Variants in TM2D3 observed in about 807,000 individuals in gnomAD.
TM2D3 encodes the protein TM2 domain-containing protein 3.
TM2D3 carries 33 observed loss-of-function variants against 27.3 expected under a neutral mutation model. The observed-to-expected ratio is 1.21, with a 90% confidence interval of 0.92 to 1.61. The LOEUF (loss-of-function observed/expected upper bound fraction) is 1.61, where lower values mean the gene tolerates loss of function less well. Among genes scored for constraint, TM2D3 ranks in the 40% most tolerant of loss-of-function variants. The pLI is 0.00. For synonymous variants in TM2D3, 138 were observed against 122.2 expected (o/e 1.13, Z -0.85); for missense variants, 364 against 320.8 (o/e 1.13, Z -1.03).
intron 1 of TM2D3, 134 bp downstream of exon 1, chr15:101,652,137 G>A (rs936690059): frequency 6.9e-6 from 6 of 868,808 alleles, no homozygotes; most frequent in Non-Finnish European, 1.1e-5. Context: ...CAGATGCAGC[G>A]ACAAGCGGCC....
chr15:101,634,620 A>T (rs188345982), intron 4 of TM2D3: 1 of 152,286 alleles, frequency 6.6e-6, no homozygotes, highest in African/African-American at 2.4e-5. Flanking sequence ...AAAACACATG[A>T]CCTGGACCAG....
At chr15:101,637,715 G>A (rs768275650), downstream of TM2D3, among the ~76,000 whole-genome samples, 10 of 152,170 alleles carry the variant, frequency 6.6e-5, no homozygotes, top group African/African-American at 1.2e-4. Flanking sequence ...AAGTAGCTGG[G>A]ACCACAGGCG....
chr15:101,633,590 G>T, exon 5 of TM2D3: 4 of 1,127,138 alleles, frequency 3.5e-6, no homozygotes, highest in East Asian at 5.3e-5. Context: ...GGTTAGGGAC[G>T]CTCATCTGCA....
chr15:101,645,105 G>A lies in TM2D3; in HGVS notation c.560C>T (p.Ser187Phe). 1 of 1,613,256 alleles carries A rather than the reference G, an allele frequency of 6.2e-7. No homozygotes were observed. The highest frequency in any genetic ancestry group is 8.5e-7 in the Non-Finnish European group (1 of 1,179,818). Reference sequence around the variant, plus strand: ...GGCTTACCTTAGAGCCAGAGCCGTAGACCACTTATAGCCTCCAGTCCAATT... The same window carrying A: ...GGCTTACCTTAGAGCCAGAGCCGTAAACCACTTATAGCCTCCAGTCCAATT... ...YCNWTGGYKW[S>F]TALALSITLG... Residue 187 changes from serine (S) to phenylalanine (F), a missense_variant, in exon 5 of 6, where the codon TCT becomes TTT. Ser to Phe is a radical substitution (Grantham distance 155). Transcript: ENST00000333202.
At chr15:101,633,706 G>C in exon 5 of TM2D3, 1 of 1,533,736 alleles carries the variant, frequency 6.5e-7, no homozygotes, top group Non-Finnish European at 8.7e-7. Context: ...AGCTGAACAT[G>C]AAGCCCCACC....
intron 4 of TM2D3, chr15:101,633,757 A>C: frequency 6.6e-7 from 1 of 1,521,174 alleles, no homozygotes; most frequent in Non-Finnish European, 8.8e-7. Context: ...AGAATTTAAA[A>C]GAAAAAACAA....
intron 3 of TM2D3, among the ~76,000 whole-genome samples, chr15:101,647,440 C>T (rs1006048694): frequency 6.6e-6 from 1 of 152,192 alleles, no homozygotes; most frequent in African/African-American, 2.4e-5. Flanking sequence ...CTACCTTGCA[C>T]AGCCTGGCAA....
At chr15:101,636,953 G>C (rs1406047034), downstream of TM2D3, 2 of 423,724 alleles carry the variant, frequency 4.7e-6, no homozygotes, top group South Asian at 3.4e-5. Context: ...TATTTGAAGA[G>C]ATTTATTCCG....
chr15:101,649,058 T>A (rs1214535585), intron 3 of TM2D3, among the ~76,000 whole-genome samples: 1 of 152,322 alleles, frequency 6.6e-6, no homozygotes, highest in South Asian at 2.1e-4. Flanking sequence ...AAATTGCCAA[T>A]CTAAGGGTTA....
intron 5 of TM2D3, among the ~76,000 whole-genome samples, chr15:101,643,600 A>T (rs7174891): frequency 0.25 from 13,861 of 56,434 alleles, 975 homozygotes; most frequent in African/African-American, 0.38. Context: ...AGACTCCGTT[A>T]AAAAAAAAAA....
intron 5 of TM2D3, among the ~76,000 whole-genome samples, chr15:101,643,624 CAAA>C (rs978182591): frequency 3.1e-5 from 3 of 96,330 alleles, no homozygotes; most frequent in Admixed American, 1.4e-4. Flanking sequence ...AAAAAAAAAG[CAAA>C]AAAAAAAAAA....
Position 101,646,856 on chromosome 15 carries a change from G to A in TM2D3, c.371C>T (p.Thr124Ile), listed in dbSNP as rs746693865. ...KSQKNFIINM[T>I]CRFCWQLPET... ...AGGAAGCTGCCAGCAAAATCTGCAA[G>A]TCATGTTAATGATGAAGTTCTTTTG... Residue 124 changes from threonine to isoleucine, a missense_variant, in exon 4 of 6, where the codon ACT becomes ATT. By Grantham distance (89) the Thr-to-Ile change is moderately conservative (BLOSUM62 -1). Coordinates refer to ENST00000333202, the MANE Select transcript of TM2D3 (RefSeq NM_078474.3). The A allele has an allele frequency of 1.2e-6, 2 of 1,614,164 alleles. No individual in the cohort carries two copies. The highest frequency in any genetic ancestry group is 3.3e-4 in the Middle Eastern group (2 of 6,062).
chr15:101,651,514 TA>T, intron 2 of TM2D3, 181 bp downstream of exon 2: 1 of 573,958 alleles, frequency 1.7e-6, no homozygotes, highest in Admixed American at 3.2e-5. Context: ...TCAAAAGGTA[TA>T]AATACGAAGA....
chr15:101,635,459 T>C (rs1896532078), intron 4 of TM2D3: 1 of 152,228 alleles, frequency 6.6e-6, no homozygotes, highest in East Asian at 1.9e-4. Flanking sequence ...TTTCTCAGCA[T>C]GAACTCACTT....
chr15:101,637,290 G>C (rs748228807), downstream of TM2D3, among the ~76,000 whole-genome samples: 15 of 152,286 alleles, frequency 9.8e-5, no homozygotes, highest in Non-Finnish European at 2.1e-4. Flanking sequence ...TCCAGATTGC[G>C]AGCTTCAGAG....
At chr15:101,650,959 A>G (rs992658700) in intron 2 of TM2D3, 1 of 152,254 alleles carries the variant, frequency 6.6e-6, no homozygotes, top group African/African-American at 2.4e-5. Flanking sequence ...CATCCAAATA[A>G]GAATCAGTAA....
At position 101,642,278 on chromosome 15, in the gene TM2D3, A is replaced by T. The variant is rs1002477522; in HGVS notation, c.*201T>A. On this transcript the variant is annotated 3_prime_UTR_variant, in exon 6 of 6. Coordinates refer to ENST00000333202, the MANE Select transcript of TM2D3 (RefSeq NM_078474.3). Reference sequence around the variant, plus strand: ...TAAGTACGTTTTAATTTTTTCACAGAAAAAAATATATTTCAGGCAAATAAA... The same window carrying T: ...TAAGTACGTTTTAATTTTTTCACAGTAAAAAATATATTTCAGGCAAATAAA... 8.0e-6 allele frequency: 10 copies of T among 1,243,316 alleles called. No individual in the cohort carries two copies. The Admixed American group carries it at 2.5e-4, about 31-fold the overall frequency. The allele number at this position is 1,243,316 out of a possible 1,614,324, so 77.0% of individuals were successfully genotyped here. A position where few individuals can be genotyped will look rare whatever the true frequency, so the allele number is the denominator to read the frequency against.
In TM2D3 at chr15:101,652,374, T is replaced by C; in HGVS notation, c.-13A>G. ...CCCCTCCCGCCATCTTGCCAGCGCC[T>C]GCGCACTTCCGGGCCGGGGGGCGGG... On this transcript the variant is annotated 5_prime_UTR_variant, in exon 1 of 6. Transcript: ENST00000333202. The C allele has an allele frequency of 1.3e-6, 2 of 1,584,718 alleles. No individual in the cohort carries two copies. Among genetic ancestry groups the C allele is most frequent in the South Asian group, 1.1e-5 (1 of 88,626 alleles).
downstream of TM2D3, among the ~76,000 whole-genome samples, chr15:101,639,416 G>A (rs1384178857): frequency 4.6e-5 from 7 of 150,854 alleles, no homozygotes; most frequent in South Asian, 8.4e-4. Context: ...TTCTACTTAT[G>A]TAGTGCCTTC....
Sources: gnomAD v4.1 joint callset for allele counts (sites outside exome capture counted in the v4.1 genomes callset) on GRCh38, gnomAD v4.1.1 for gene constraint, MANE v1.5 for transcripts, NCBI Gene and HGNC (gene_info 2026-07-23, HGNC 2026-07-21) for gene names.